CBFA2T3: variants seen among roughly 807,000 people sequenced by gnomAD.
The protein encoded by CBFA2T3 is transcriptional corepressor CBFA2T3.
CBFA2T3 carries 31 observed loss-of-function variants against 58.6 expected under a neutral mutation model. That is an observed-to-expected ratio of 0.53 (90% CI 0.40 to 0.71). The LOEUF is 0.71. CBFA2T3 is among the 30% of genes least tolerant of loss of function. The probability of loss-of-function intolerance (pLI) is 0.00; values close to 1 mark genes in which losing one functional copy is unlikely to be tolerated. For synonymous variants in CBFA2T3, 531 were observed against 421.9 expected (o/e 1.26, Z -3.17); for missense variants, 1,076 against 963.1 (o/e 1.12, Z -1.55).
chr16:88,892,051 G>A (rs1279251641), intron 4 of CBFA2T3, 80 bp from the exon 5 acceptor site: 10 of 1,408,266 alleles, frequency 7.1e-6, no homozygotes, highest in Non-Finnish European at 1.0e-5. Flanking sequence ...CTGAGGAGGA[G>A]GCTTCCGTGT....
rs539877223 is a variant in CBFA2T3, at chr16:88,879,264, C to G, written c.1662+6G>C. ...GATGGGTGTCAGCGTGGCCGGGTGG[C>G]CCTACCTCGCTGGAGTCCTCCTGCT... On this transcript the variant is annotated splice_donor_region_variant and intron_variant, in intron 11 of 11. Coordinates refer to ENST00000268679, the MANE Select transcript of CBFA2T3 (RefSeq NM_005187.6). 16 of 1,584,454 alleles carry G rather than the reference C, an allele frequency of 1.0e-5. No homozygotes were observed. The African/African-American group carries it at 1.2e-4, about 12-fold the overall frequency.
rs939029000 is a variant in CBFA2T3 at position 88,895,557 on chromosome 16, G to A, written c.379+2521C>T. ...AGGCCCCACACACCGAGCAAACAGC[G>A]CTGGGCACAGTGGCACAGGGGGGAG... is the stretch of plus-strand genomic sequence containing the variant. On this transcript the variant is annotated intron_variant, in intron 3 of 11. Coordinates refer to ENST00000268679, the MANE Select transcript of CBFA2T3 (RefSeq NM_005187.6). Among the ~76,000 whole-genome samples, 11 of 152,266 alleles carry A rather than the reference G, an allele frequency of 7.2e-5. 1 individual carries two copies. The South Asian group carries it at 1.0e-3, about 14-fold the overall frequency.
intron 1 of CBFA2T3, among the ~76,000 whole-genome samples, chr16:88,974,770 C>T (rs1972753535): frequency 6.6e-6 from 1 of 152,044 alleles, no homozygotes; most frequent in African/African-American, 2.4e-5. Flanking sequence ...GTTCCCATGC[C>T]CCCCATGGCC....
intron 1 of CBFA2T3, among the ~76,000 whole-genome samples, chr16:88,974,417 T>A (rs1701033721): frequency 6.6e-6 from 1 of 151,966 alleles, no homozygotes; most frequent in South Asian, 2.1e-4. Context: ...GACGGCGGCG[T>A]GTGCTCTGTG....
chr16:88,928,842 G>A (rs990571454), intron 1 of CBFA2T3, among the ~76,000 whole-genome samples: 4 of 152,256 alleles, frequency 2.6e-5, no homozygotes, highest in African/African-American at 9.6e-5. Context: ...AGCAAGGCCT[G>A]AAGGAGGGCA....
At chr16:88,926,235 C>A (rs987810169) in intron 1 of CBFA2T3, among the ~76,000 whole-genome samples, 1 of 139,656 alleles carries the variant, frequency 7.2e-6, no homozygotes, top group African/African-American at 2.5e-5. Flanking sequence ...TAACCTTGTT[C>A]CCAGAGGCGA....
At chr16:88,975,166 CCT>C (rs71669157) in intron 1 of CBFA2T3, among the ~76,000 whole-genome samples, 9,124 of 78,164 alleles carry the variant, frequency 0.12, 545 homozygotes, top group African/African-American at 0.17. Context: ...CCACCCTGAC[CCT>C]CTCTGCTCCA....
chr16:88,892,227 G>C lies in CBFA2T3; in HGVS notation c.621+17C>G. On this transcript the variant is annotated intron_variant, in intron 4 of 11. Coordinates refer to ENST00000268679, the MANE Select transcript of CBFA2T3 (RefSeq NM_005187.6). ...ATATGCATGTCCCAAGGCCCCGGCT[G>C]TCCCTGCCCAACTCACCACCAGGCC... The C allele has an allele frequency of 6.2e-7, 1 of 1,602,852 alleles. No individual in the cohort carries two copies. The highest frequency in any genetic ancestry group is 8.5e-7 in the Non-Finnish European group (1 of 1,176,274).
At chr16:88,970,548 C>A (rs925472913) in intron 1 of CBFA2T3, among the ~76,000 whole-genome samples, 1 of 152,206 alleles carries the variant, frequency 6.6e-6, no homozygotes, top group African/African-American at 2.4e-5. Flanking sequence ...GTCAGCGATG[C>A]CCTTGAAGTG....
chr16:88,934,300 G>A (rs1229631486), intron 1 of CBFA2T3, among the ~76,000 whole-genome samples: 1 of 152,256 alleles, frequency 6.6e-6, no homozygotes, highest in Non-Finnish European at 1.5e-5. Flanking sequence ...TCACAGGAGG[G>A]GCCGACTTGG....
In CBFA2T3 at chr16:88,892,000, A is replaced by G. The variant is rs200977084; in HGVS notation, c.622-29T>C. 2.7e-5 allele frequency: 42 copies of G among 1,573,210 alleles called. No individual in the cohort carries two copies. The African/African-American group carries it at 4.6e-4, about 17-fold the overall frequency. Reference sequence around the variant, plus strand: ...CAGGGGAGAAAACCCACCTCACATCAGCACCGCTCGGCATGTGAGCCAGCG... The same window carrying G: ...CAGGGGAGAAAACCCACCTCACATCGGCACCGCTCGGCATGTGAGCCAGCG... On this transcript the variant is annotated intron_variant, in intron 4 of 11. Transcript: ENST00000268679.
In CBFA2T3 at chr16:88,882,752, C is replaced by T; in HGVS notation, c.1127G>A (p.Gly376Glu). 1 of 1,577,348 alleles carries T rather than the reference C, an allele frequency of 6.3e-7. No individual in the cohort carries two copies. Among genetic ancestry groups the T allele is most frequent in the Non-Finnish European group, 8.6e-7 (1 of 1,161,300 alleles). ...GTCGATCACTTCTTCCTGCCGGGACCCAGGCACCACTGTGGATGGGGGAGG... is the reference window on the plus strand; with the variant it reads ...GTCGATCACTTCTTCCTGCCGGGACTCAGGCACCACTGTGGATGGGGGAGG... ...RERHRPLVVP[G>E]SRQEEVIDHK... The change falls in exon 8 of 12, where the codon GGG becomes GAG. Residue 376 changes from glycine (G) to glutamate (E), a missense_variant. Physicochemically the swap from Gly to Glu is moderately conservative, Grantham distance 98. Coordinates refer to ENST00000268679, the MANE Select transcript of CBFA2T3 (RefSeq NM_005187.6).
chr16:88,945,116 G>A (rs1971869117), intron 1 of CBFA2T3, among the ~76,000 whole-genome samples: 1 of 152,190 alleles, frequency 6.6e-6, no homozygotes, highest in Non-Finnish European at 1.5e-5. Flanking sequence ...ATACACTATA[G>A]GTATAGATAT....
At chr16:88,916,515 C>G (rs1364345928) in intron 1 of CBFA2T3, among the ~76,000 whole-genome samples, 3 of 152,032 alleles carry the variant, frequency 2.0e-5, no homozygotes, top group African/African-American at 7.3e-5. Flanking sequence ...GTTGCGTGTG[C>G]ATGTTGTCTG....
At chr16:88,905,041 G>A (rs984927917) in intron 1 of CBFA2T3, among the ~76,000 whole-genome samples, 1 of 152,110 alleles carries the variant, frequency 6.6e-6, no homozygotes. Flanking sequence ...GAAGATGAGG[G>A]GTGAGTGTGG....
chr16:88,896,467 G>A (rs1157360658), intron 3 of CBFA2T3, among the ~76,000 whole-genome samples: 3 of 152,146 alleles, frequency 2.0e-5, no homozygotes, highest in East Asian at 3.9e-4. Flanking sequence ...GACAGTGGAC[G>A]CTGACACAGG....
At chr16:88,916,305 TATGC>T (rs1970725608) in intron 1 of CBFA2T3, among the ~76,000 whole-genome samples, 2 of 144,184 alleles carry the variant, frequency 1.4e-5, no homozygotes, top group African/African-American at 2.5e-5. Flanking sequence ...CATGTGGGTG[TATGC>T]GTGTGTATTC....
intron 1 of CBFA2T3, among the ~76,000 whole-genome samples, chr16:88,931,656 T>C (rs12445336): frequency 5.6e-5 from 8 of 141,720 alleles, no homozygotes; most frequent in South Asian, 2.3e-4. Context: ...GGCCGTGGGC[T>C]GGCCCCATGG....
intron 1 of CBFA2T3, among the ~76,000 whole-genome samples, chr16:88,917,647 T>C (rs1301717038): frequency 6.6e-6 from 1 of 152,192 alleles, no homozygotes; most frequent in East Asian, 1.9e-4. Context: ...AGTCAGCCAC[T>C]GCCGGTGTGG....
Sources: allele counts gnomAD v4.1 joint callset (sites outside exome capture counted in the v4.1 genomes callset), GRCh38; gene constraint gnomAD v4.1.1; transcripts MANE v1.5; gene names NCBI Gene and HGNC (gene_info 2026-07-23, HGNC 2026-07-21).